Variants in TOX3 observed in about 807,000 individuals in gnomAD.
The protein encoded by TOX3 is CAG trinucleotide repeat-containing gene F9 protein.
In TOX3, 22 loss-of-function variants were observed where a neutral mutation model predicts 64.3. The ratio of observed to expected loss-of-function variants is 0.34; its 90% CI spans 0.24 to 0.49. TOX3 has a LOEUF of 0.49. Ranked by LOEUF, TOX3 falls within the 20% of genes least tolerant of loss-of-function variation. TOX3 has a pLI of 0.99. For synonymous variants in TOX3, 291 were observed against 273.6 expected, an observed-to-expected ratio of 1.06 and a Z score of -0.63; for missense variants, 661 against 714.4, an observed-to-expected ratio of 0.93 and a Z score of 0.85.
At chr16:52,537,895 A>G (rs1035525415) in intron 1 of TOX3, among the ~76,000 whole-genome samples, 16 of 151,470 alleles carry the variant, frequency 1.1e-4, no homozygotes, top group Admixed American at 8.6e-4. Flanking sequence ...AAAAAAAAAA[A>G]AAAAAGAAAG....
At chr16:52,445,373 G>C (rs1362186234) in intron 5 of TOX3, 3 of 152,232 alleles carry the variant, frequency 2.0e-5, no homozygotes, top group Non-Finnish European at 4.4e-5. Flanking sequence ...GTAAGGGGGG[G>C]ATCGACCCCC....
At chr16:52,505,116 G>A (rs1404663838) in intron 1 of TOX3, among the ~76,000 whole-genome samples, 4 of 152,174 alleles carry the variant, frequency 2.6e-5, no homozygotes, top group East Asian at 1.9e-4. Flanking sequence ...TTACAGGCGT[G>A]AACCACCGCA....
intron 1 of TOX3, among the ~76,000 whole-genome samples, chr16:52,511,276 G>A (rs993525979): frequency 5.9e-5 from 9 of 152,112 alleles, no homozygotes; most frequent in Non-Finnish European, 1.0e-4. Context: ...GGTGGATCAC[G>A]AGGTCAGGAG....
chr16:52,461,884 T>C (rs1000352782), intron 3 of TOX3, among the ~76,000 whole-genome samples: 18 of 152,248 alleles, frequency 1.2e-4, no homozygotes, highest in African/African-American at 3.6e-4. Context: ...TTTTTAACCA[T>C]GCCTCTGGCG....
At chr16:52,511,510 G>C (rs555059455) in intron 1 of TOX3, among the ~76,000 whole-genome samples, 13 of 152,104 alleles carry the variant, frequency 8.5e-5, no homozygotes, top group Non-Finnish European at 1.9e-4. Flanking sequence ...GAGAAGAAAA[G>C]GTAAGGCCTA....
chr16:52,528,641 C>A (rs1962780685), intron 1 of TOX3, among the ~76,000 whole-genome samples: 1 of 152,104 alleles, frequency 6.6e-6, no homozygotes, highest in Non-Finnish European at 1.5e-5. Flanking sequence ...CCTCTTGAGT[C>A]TAACCTTAGA....
intron 1 of TOX3, among the ~76,000 whole-genome samples, chr16:52,517,159 A>G (rs1052733544): frequency 2.6e-5 from 4 of 152,204 alleles, no homozygotes; most frequent in African/African-American, 7.2e-5. Context: ...CCCCTGCCAT[A>G]ACTATCATTT....
chr16:52,517,593 C>A (rs1168410461), intron 1 of TOX3, among the ~76,000 whole-genome samples: 1 of 151,710 alleles, frequency 6.6e-6, no homozygotes, highest in Non-Finnish European at 1.5e-5. Flanking sequence ...GTCATGAGAG[C>A]TCTGAAAGAA....
intron 1 of TOX3, among the ~76,000 whole-genome samples, chr16:52,515,306 C>T (rs1190271167): frequency 2.0e-5 from 3 of 152,078 alleles, no homozygotes; most frequent in Non-Finnish European, 4.4e-5. Flanking sequence ...GGTTTCCTAA[C>T]CCTAGCTCAT....
At chr16:52,457,453 G>A (rs903371520) in intron 3 of TOX3, among the ~76,000 whole-genome samples, 1 of 152,046 alleles carries the variant, frequency 6.6e-6, no homozygotes, top group East Asian at 1.9e-4. Flanking sequence ...TCAAAATAGA[G>A]CATAACATCC....
intron 1 of TOX3, among the ~76,000 whole-genome samples, chr16:52,539,152 T>C (rs1186485947): frequency 6.6e-6 from 1 of 152,174 alleles, no homozygotes; most frequent in Admixed American, 6.5e-5. Context: ...AATGTTTTCA[T>C]TCATAAATGG....
intron 1 of TOX3, among the ~76,000 whole-genome samples, chr16:52,469,175 A>G (rs1195699166): frequency 3.9e-5 from 6 of 152,216 alleles, no homozygotes. Context: ...TAATCTCTCA[A>G]TGTAACATTA....
In TOX3 at chr16:52,546,675, C is replaced by T; in HGVS notation, c.49G>A (p.Asp17Asn). The change falls in exon 1 of 7, where the codon GAC (aspartate) becomes AAC (asparagine). Residue 17 changes from aspartate to asparagine, a missense_variant. Around this residue, in one of 3 missense-constraint regions of TOX3, gnomAD observed 259 missense variants for 261.2 expected, o/e 0.99. Transcript: ENST00000219746. ...TAGTACCCCAGGCACTGCGCGAAGT[C>T]CAGGCTGGCAGGGTCCCCGGCCGCC... ...PAAAGDPASLDFAQCLGYYGY... is the reference protein window; with the variant it reads ...PAAAGDPASLNFAQCLGYYGY... 3.9e-6 allele frequency: 6 copies of T among 1,544,532 alleles called. No individual in the cohort carries two copies. The highest frequency in any genetic ancestry group is 5.2e-6 in the Non-Finnish European group (6 of 1,148,484).
intron 1 of TOX3, among the ~76,000 whole-genome samples, chr16:52,543,948 G>C (rs141420617): frequency 6.6e-6 from 1 of 152,082 alleles, no homozygotes; most frequent in South Asian, 2.1e-4. Flanking sequence ...TATTATTCAC[G>C]GTTTGTAAAT....
chr16:52,464,032 G>T lies in TOX3; in HGVS notation c.310C>A (p.Pro104Thr), dbSNP rs1219070355. The T allele has an allele frequency of 6.2e-7, 1 of 1,602,092 alleles. No homozygotes were observed. Among genetic ancestry groups the T allele is most frequent in the Non-Finnish European group, 8.5e-7 (1 of 1,174,658 alleles). ...TCCAGGCTTTGAGGGGGAAACTGGG[G>T]TGTGAATTCACTTCCCTGGGAAGGC... ...PLPSQGSEFTPQFPPQSLDLP... is the reference protein window; with the variant it reads ...PLPSQGSEFTTQFPPQSLDLP... The change falls in exon 3 of 7, where the codon CCC becomes ACC. Residue 104 changes from proline to threonine, a missense_variant. Pro to Thr is a conservative substitution (Grantham distance 38). Around this residue, in one of 3 missense-constraint regions of TOX3, gnomAD observed 259 missense variants for 261.2 expected, o/e 0.99. Transcript: ENST00000219746.
intron 1 of TOX3, among the ~76,000 whole-genome samples, chr16:52,527,166 TAAAAATAA>T (rs1032034992): frequency 7.9e-5 from 12 of 151,896 alleles, no homozygotes; most frequent in Admixed American, 2.0e-4. Flanking sequence ...ACTCAAGATT[TAAAAATAA>T]AAAAATAAAA....
At chr16:52,470,933 G>T (rs981759950) in intron 1 of TOX3, among the ~76,000 whole-genome samples, 2 of 152,114 alleles carry the variant, frequency 1.3e-5, no homozygotes, top group Non-Finnish European at 2.9e-5. Flanking sequence ...AGAACTAAAG[G>T]TTTCTATTCT....
upstream of TOX3, chr16:52,547,293 A>C (rs374380574): frequency 1 from 131,568 of 131,664 alleles, 65,736 homozygotes; most frequent in Middle Eastern, 1. Context: ...CGCCTCCGGG[A>C]GCGCCCACCC....
rs1211147091 is a variant in TOX3, at chr16:52,439,855, T to G, written c.1101A>C (p.Thr367=). Residue 367 remains threonine (T), a synonymous_variant, in exon 7 of 7, where the codon ACA becomes ACC. Coordinates refer to ENST00000219746, the MANE Select transcript of TOX3 (RefSeq NM_001080430.4). ...GGAGAGTCTGAGGTGATGCTGACACTGTTCCATGTTGAGACAGTGGAGTGT... is the reference window on the plus strand; with the variant it reads ...GGAGAGTCTGAGGTGATGCTGACACGGTTCCATGTTGAGACAGTGGAGTGT... ...LLNTPLSQHG[T]VSASPQTLQQ... The G allele has an allele frequency of 1.9e-6, 3 of 1,613,852 alleles. No homozygotes were observed. The highest frequency in any genetic ancestry group is 2.5e-6 in the Non-Finnish European group (3 of 1,179,842).
Sources: allele counts gnomAD v4.1 joint callset (sites outside exome capture counted in the v4.1 genomes callset), GRCh38; gene constraint gnomAD v4.1.1; regional missense constraint gnomAD v4.1.1; transcripts MANE v1.5; gene names NCBI Gene and HGNC (gene_info 2026-07-23, HGNC 2026-07-21).